The following CNTN1 variants were observed in gnomAD, a reference collection of about 807,000 sequenced individuals.
CNTN1 encodes contactin 1.
Under a neutral mutation model 126.4 loss-of-function variants are expected in CNTN1, and 38 were observed. That is an observed-to-expected ratio of 0.30 (90% CI 0.23 to 0.39). CNTN1 has a LOEUF of 0.39. Ranked by LOEUF, CNTN1 falls within the 10% of genes least tolerant of loss-of-function variation. The pLI is 1.00. For missense variants in CNTN1, 1,009 were observed against 1,248.4 expected (o/e 0.81, Z 2.89); for synonymous variants, 413 against 422.6 (o/e 0.98, Z 0.28).
intron 1 of CNTN1, among the ~76,000 whole-genome samples, chr12:40,755,067 T>C (rs1938546041): frequency 6.6e-6 from 1 of 151,544 alleles, no homozygotes; most frequent in Admixed American, 6.6e-5. Flanking sequence ...GGCATATGCC[T>C]GTAGTCCCAG....
At chr12:40,906,224 C>T (rs1944807674) in intron 1 of CNTN1, among the ~76,000 whole-genome samples, 2 of 152,000 alleles carry the variant, frequency 1.3e-5, no homozygotes, top group Non-Finnish European at 1.5e-5. Context: ...TGAGCCGAGA[C>T]TGCACCACTG....
chr12:41,022,458 A>C (rs1232798533), intron 20 of CNTN1, among the ~76,000 whole-genome samples: 2 of 152,184 alleles, frequency 1.3e-5, no homozygotes, highest in African/African-American at 4.8e-5. Flanking sequence ...AATTGATTTG[A>C]ACTTTGAGTT....
intron 12 of CNTN1, among the ~76,000 whole-genome samples, chr12:40,939,820 C>T (rs556710791): frequency 6.6e-6 from 1 of 152,092 alleles, no homozygotes; most frequent in Non-Finnish European, 1.5e-5. Flanking sequence ...TATTTTTCCC[C>T]AGTATAGGCA....
At chr12:40,741,786 G>C (rs1389163358) in intron 1 of CNTN1, among the ~76,000 whole-genome samples, 1 of 151,888 alleles carries the variant, frequency 6.6e-6, no homozygotes, top group East Asian at 1.9e-4. Flanking sequence ...TATCTTTTGT[G>C]ATGGATATTT....
chr12:40,801,294 G>A lies in CNTN1; in HGVS notation c.-76-107063G>A, dbSNP rs1234365848. The stretch of plus-strand genomic sequence containing the variant: ...TCCATGCACTCAGTAAGTATCATTT[G>A]GTAACATCTATGTGCCTATCACAGT... On this transcript the variant is annotated intron_variant, in intron 1 of 23. Coordinates refer to ENST00000551295, the MANE Select transcript of CNTN1 (RefSeq NM_001843.4). Among the ~76,000 whole-genome samples the A allele has an allele frequency of 2.6e-5, 4 of 151,970 alleles. No homozygotes were observed. The East Asian group carries it at 5.8e-4, about 22-fold the overall frequency.
intron 15 of CNTN1, among the ~76,000 whole-genome samples, chr12:40,967,844 T>C (rs567257061): frequency 1.3e-5 from 2 of 151,776 alleles, no homozygotes; most frequent in South Asian, 4.1e-4. Context: ...TGTGAAAAGG[T>C]ATTTATATAA....
intron 1 of CNTN1, among the ~76,000 whole-genome samples, chr12:40,737,377 A>ATG (rs1178486999): frequency 6.9e-6 from 1 of 144,194 alleles, no homozygotes; most frequent in African/African-American, 2.5e-5. Context: ...ATATATATAT[A>ATG]TATATGAGTT....
chr12:41,068,657 G>T (rs944968060), intron 23 of CNTN1, among the ~76,000 whole-genome samples: 6 of 152,190 alleles, frequency 3.9e-5, no homozygotes, highest in Admixed American at 3.9e-4. Flanking sequence ...AATATAAAAG[G>T]ACCATGCCAA....
intron 1 of CNTN1, among the ~76,000 whole-genome samples, chr12:40,720,110 C>T (rs1296394756): frequency 9.3e-6 from 1 of 107,124 alleles, no homozygotes; most frequent in Middle Eastern, 3.9e-3. Flanking sequence ...CTTGGCCTCC[C>T]AAAGTGCTGG....
At chr12:40,765,746 A>C (rs1939059292) in intron 1 of CNTN1, among the ~76,000 whole-genome samples, 1 of 152,194 alleles carries the variant, frequency 6.6e-6, no homozygotes, top group Non-Finnish European at 1.5e-5. Flanking sequence ...ATTTTTTGCC[A>C]ATAGAAAATT....
rs763937611 is a variant in CNTN1 at position 41,014,225 on chromosome 12, C to T, written c.2114-3C>T. The T allele has an allele frequency of 3.7e-6, 6 of 1,613,660 alleles. No homozygotes were observed. In the South Asian group the frequency reaches 6.6e-5, roughly 18 times the overall value. ...TTTGCATATATTTGTTTGTTTGTTT[C>T]AGCACCAAATGTGGCTCCTTCAGAT... On this transcript the variant is annotated splice_polypyrimidine_tract_variant and splice_region_variant and intron_variant, in intron 17 of 23. Transcript: ENST00000551295.
At chr12:40,949,413 T>A (rs1384074514) in intron 14 of CNTN1, among the ~76,000 whole-genome samples, 3 of 135,636 alleles carry the variant, frequency 2.2e-5, no homozygotes, top group Non-Finnish European at 4.8e-5. Flanking sequence ...CCCGATGCTA[T>A]CCCTACCCCC....
intron 17 of CNTN1, among the ~76,000 whole-genome samples, chr12:41,003,406 TC>T (rs1447787404): frequency 1.3e-5 from 2 of 152,136 alleles, no homozygotes; most frequent in Non-Finnish European, 2.9e-5. Flanking sequence ...CCTGAAGGTT[TC>T]TTTTTTGTTG....
intron 1 of CNTN1, among the ~76,000 whole-genome samples, chr12:40,851,980 G>A (rs1942732458): frequency 6.6e-6 from 1 of 152,174 alleles, no homozygotes; most frequent in Admixed American, 6.5e-5. Flanking sequence ...TCCGGTGCCT[G>A]TACAGGCTCC....
rs73124564 is a variant in CNTN1 at position 40,885,407 on chromosome 12, G to A, written c.-76-22950G>A. Among the ~76,000 whole-genome samples, 765 of 151,854 alleles carry A rather than the reference G, an allele frequency of 5.0e-3. 6 individuals carry two copies. The highest frequency in any genetic ancestry group is 0.017 in the African/African-American group (721 of 41,472). On this transcript the variant is annotated intron_variant, in intron 1 of 23. Transcript: ENST00000551295. ...TTTTTATTATGATTTTCAATTGGTG[G>A]GATTATAGTTATTTTATTAGCCTTG...
At chr12:40,910,012 T>C in intron 2 of CNTN1, 61 bp from the exon 3 acceptor site, 1 of 1,298,860 alleles carries the variant, frequency 7.7e-7, no homozygotes, top group South Asian at 1.2e-5. Flanking sequence ...TTAAGTAATG[T>C]TTGAAACCAC....
At chr12:40,951,151 T>C (rs1359381108) in intron 14 of CNTN1, among the ~76,000 whole-genome samples, 1 of 152,146 alleles carries the variant, frequency 6.6e-6, no homozygotes, top group African/African-American at 2.4e-5. Flanking sequence ...TTGTCCATCA[T>C]TCAAAATGCT....
At chr12:40,811,623 A>G (rs1002839761) in intron 1 of CNTN1, among the ~76,000 whole-genome samples, 5 of 151,918 alleles carry the variant, frequency 3.3e-5, no homozygotes, top group Non-Finnish European at 5.9e-5. Flanking sequence ...TCATAATTCA[A>G]TCTTGATAGG....
intron 23 of CNTN1, among the ~76,000 whole-genome samples, chr12:41,054,880 C>T (rs1051212907): frequency 6.6e-6 from 1 of 152,114 alleles, no homozygotes; most frequent in African/African-American, 2.4e-5. Flanking sequence ...AGCTCTGCTG[C>T]ATGGTCAATG....
Sources: allele counts gnomAD v4.1 joint callset (sites outside exome capture counted in the v4.1 genomes callset), GRCh38; gene constraint gnomAD v4.1.1; transcripts MANE v1.5; gene names NCBI Gene and HGNC (gene_info 2026-07-23, HGNC 2026-07-21).